The following DNM2 variants were observed in gnomAD, a reference collection of about 807,000 sequenced individuals.
The protein encoded by DNM2 is dynamin-2.
Under a neutral mutation model 99.0 loss-of-function variants are expected in DNM2, and 15 were observed. The ratio of observed to expected loss-of-function variants is 0.15; its 90% CI spans 0.10 to 0.23. DNM2 has a LOEUF of 0.23. Ranked by LOEUF, DNM2 falls within the 10% of genes least tolerant of loss-of-function variation. The pLI is 1.00. For synonymous variants in DNM2, 525 were observed against 481.2 expected (o/e 1.09, Z -1.19); for missense variants, 742 against 1,189.4 (o/e 0.62, Z 5.53).
chr19:10,824,433 A>G (rs1422269396), intron 17 of DNM2: 9 of 200,890 alleles, frequency 4.5e-5, no homozygotes, highest in Non-Finnish European at 8.3e-5. Flanking sequence ...CCCGGGAGGT[A>G]GAGGTTGCAG....
chr19:10,801,591 G>GAGCAAGACTCCGTC (rs2072144491), intron 11 of DNM2, among the ~76,000 whole-genome samples: 1 of 134,136 alleles, frequency 7.5e-6, no homozygotes, highest in Non-Finnish European at 1.6e-5. Context: ...CTGGGAGACA[G>GAGCAAGACTCCGTC]TAAGTTCTTT....
intron 5 of DNM2, 56 bp from the exon 6 acceptor site, chr19:10,782,904 C>T: frequency 1.9e-6 from 3 of 1,612,398 alleles, no homozygotes; most frequent in Non-Finnish European, 2.5e-6. Context: ...CATCCCCGTG[C>T]CAGGTCCACT....
intron 2 of DNM2, among the ~76,000 whole-genome samples, chr19:10,760,190 T>C (rs35699600): frequency 0.46 from 69,148 of 149,682 alleles, 16,111 homozygotes; most frequent in Middle Eastern, 0.59. Context: ...TGACCCTCCA[T>C]GGCCAGCTTT....
At chr19:10,789,532 AG>A (rs2071679218) in intron 7 of DNM2, among the ~76,000 whole-genome samples, 1 of 151,848 alleles carries the variant, frequency 6.6e-6, no homozygotes, top group South Asian at 2.1e-4. Flanking sequence ...TCTGAAATTA[AG>A]AAAAAAAAAA....
chr19:10,807,539 CTTTTTT>C (rs763788862), intron 13 of DNM2, among the ~76,000 whole-genome samples: 1 of 91,206 alleles, frequency 1.1e-5, no homozygotes, highest in African/African-American at 4.6e-5. Flanking sequence ...CACGTCCAGC[CTTTTTT>C]TTTTTTTTTT....
rs1466495934 is a variant in DNM2, at chr19:10,765,528, C to T, written c.235+5717C>T. 6.6e-6 allele frequency among the ~76,000 whole-genome samples: 1 copy of T among 152,222 alleles called. No individual in the cohort carries two copies. Among genetic ancestry groups the T allele is most frequent in the African/African-American group, 2.4e-5 (1 of 41,462 alleles). On this transcript the variant is annotated intron_variant, in intron 2 of 20. Coordinates refer to ENST00000389253, the MANE Select transcript of DNM2 (RefSeq NM_001005361.3). The surrounding 1 kb of genome is among the most constrained non-coding windows in gnomAD (Gnocchi z 4.4). Reference sequence around the variant, plus strand: ...CTAGAGAGCAGACCAAGCTGGCGTGCGTCAGGCTGTGGGCTGGCTGGGATG... The same window carrying T: ...CTAGAGAGCAGACCAAGCTGGCGTGTGTCAGGCTGTGGGCTGGCTGGGATG...
chr19:10,726,689 C>A (rs2069127139), intron 1 of DNM2, among the ~76,000 whole-genome samples: 1 of 151,962 alleles, frequency 6.6e-6, no homozygotes, highest in South Asian at 2.1e-4. Flanking sequence ...CATGGTGAAC[C>A]CTCATCTCTA....
intron 7 of DNM2, among the ~76,000 whole-genome samples, chr19:10,789,902 G>A (rs1309910592): frequency 6.6e-6 from 1 of 152,200 alleles, no homozygotes. Flanking sequence ...TGGCAGGACT[G>A]GGCCAGGGGA....
Position 10,761,055 on chromosome 19 carries a change from C to G in DNM2, c.235+1244C>G, listed in dbSNP as rs1025819919. ...CCAGGCTGGAATGCAGTGGCGTGAT[C>G]TCGGCTCACTGCAACATCCGCCTCC... is the stretch of plus-strand genomic sequence containing the variant. On this transcript the variant is annotated intron_variant, in intron 2 of 20. Transcript: ENST00000389253. Among the ~76,000 whole-genome samples, 5 of 151,986 alleles carry G rather than the reference C, an allele frequency of 3.3e-5. No homozygotes were observed. In the East Asian group the frequency reaches 9.7e-4, roughly 29 times the overall value.
intron 1 of DNM2, among the ~76,000 whole-genome samples, chr19:10,735,585 C>T (rs1226469557): frequency 6.6e-6 from 1 of 151,960 alleles, no homozygotes; most frequent in Non-Finnish European, 1.5e-5. Flanking sequence ...GTGATATTGG[C>T]TCACTGCGAC....
At chr19:10,726,218 C>CAAAAAAAAAAAAAAAAAAAAAAAA (rs1195927872) in intron 1 of DNM2, among the ~76,000 whole-genome samples, 2 of 82,448 alleles carry the variant, frequency 2.4e-5, no homozygotes, top group Non-Finnish European at 4.5e-5. Context: ...GACTCTGCCT[C>CAAAAAAAAAAAAAAAAAAAAAAAA]AAAAAAAAAA....
chr19:10,737,486 G>A (rs527943589), intron 1 of DNM2, among the ~76,000 whole-genome samples: 1 of 151,928 alleles, frequency 6.6e-6, no homozygotes, highest in African/African-American at 2.4e-5. Flanking sequence ...TATGCGTTTG[G>A]TTTCTTGTTT....
chr19:10,796,345 G>A lies in DNM2; in HGVS notation c.1196+906G>A. 7.8e-7 allele frequency: 1 copy of A among 1,286,498 alleles called. No individual in the cohort carries two copies. The highest frequency in any genetic ancestry group is 1.1e-6 in the Non-Finnish European group (1 of 907,768). 79.7% of individuals were successfully genotyped at this position (1,286,498 alleles called of 1,614,324 possible). On this transcript the variant is annotated intron_variant, in intron 9 of 20. Coordinates refer to ENST00000389253, the MANE Select transcript of DNM2 (RefSeq NM_001005361.3). The surrounding 1 kb of genome is among the most constrained non-coding windows in gnomAD (Gnocchi z 5.6). ...TGTCCGTGAACTTGGCCTCTCCCCA[G>A]AGGCTGGGGCAGGAGCATGTAGGCC...
At chr19:10,753,407 T>TCC (rs372769240) in intron 1 of DNM2, among the ~76,000 whole-genome samples, 1 of 74,558 alleles carries the variant, frequency 1.3e-5, no homozygotes, top group Non-Finnish European at 2.7e-5. Flanking sequence ...CCCCTTCCCT[T>TCC]CCCCCCCCCA....
intron 2 of DNM2, among the ~76,000 whole-genome samples, chr19:10,770,084 G>A (rs2070924838): frequency 6.6e-6 from 1 of 152,228 alleles, no homozygotes; most frequent in African/African-American, 2.4e-5. Flanking sequence ...AGGGACTTGT[G>A]AGGCGCAACG....
intron 1 of DNM2, 41 bp downstream of exon 1, chr19:10,718,444 A>T (rs966619901): frequency 1.5e-6 from 2 of 1,359,234 alleles, no homozygotes; most frequent in Non-Finnish European, 1.9e-6. Flanking sequence ...GTGGCGGCCT[A>T]GGGCGCGGAG....
intron 2 of DNM2, among the ~76,000 whole-genome samples, chr19:10,771,398 T>C (rs551850692): frequency 1.3e-5 from 2 of 152,308 alleles, no homozygotes; most frequent in East Asian, 1.9e-4. Flanking sequence ...CCGGGTCTTA[T>C]ATACACTCAG....
At chr19:10,791,533 C>T (rs2146001231) in intron 7 of DNM2, among the ~76,000 whole-genome samples, 1 of 151,836 alleles carries the variant, frequency 6.6e-6, no homozygotes, top group Admixed American at 6.5e-5. Flanking sequence ...AACCCGAATT[C>T]CGCGGGACAC....
intron 6 of DNM2, among the ~76,000 whole-genome samples, chr19:10,785,724 A>G (rs1212756039): frequency 6.6e-6 from 1 of 152,216 alleles, no homozygotes; most frequent in Non-Finnish European, 1.5e-5. Flanking sequence ...GGCGTGAGCC[A>G]CTGCACCCAG....
Sources: gnomAD v4.1 joint callset for allele counts (sites outside exome capture counted in the v4.1 genomes callset) on GRCh38, gnomAD v4.1.1 for gene constraint, Gnocchi (gnomAD v3.1) non-coding constraint, MANE v1.5 for transcripts, NCBI Gene and HGNC (gene_info 2026-07-23, HGNC 2026-07-21) for gene names.